The following PLPPR1 variants were observed in gnomAD, a reference collection of about 807,000 sequenced individuals.
PLPPR1 encodes phospholipid phosphatase-related protein type 1.
In PLPPR1, 10 loss-of-function variants were observed where a neutral mutation model predicts 33.1. That is an observed-to-expected ratio of 0.30 (90% confidence interval 0.19 to 0.51). The LOEUF is 0.51. Ranked by LOEUF, PLPPR1 falls within the 20% of genes least tolerant of loss-of-function variation. The probability of loss-of-function intolerance (pLI) is 0.97; values close to 1 mark genes in which losing one functional copy is unlikely to be tolerated. For synonymous variants in PLPPR1, 151 were observed against 151.0 expected (o/e 1.00, Z 0.00); for missense variants, 304 against 408.1 (o/e 0.74, Z 2.20).
chr9:101,053,253 A>G (rs1830245280), intron 1 of PLPPR1, among the ~76,000 whole-genome samples: 1 of 152,112 alleles, frequency 6.6e-6, no homozygotes, highest in Non-Finnish European at 1.5e-5. Flanking sequence ...CTCCTCCTGG[A>G]GGCTTCTTCC....
At chr9:101,038,141 A>C (rs1325977491) in intron 1 of PLPPR1, among the ~76,000 whole-genome samples, 1 of 152,102 alleles carries the variant, frequency 6.6e-6, no homozygotes, top group Admixed American at 6.6e-5. Context: ...ATTTTTATAA[A>C]GGTAGGATTA....
chr9:101,268,279 T>TG (rs1254377124), intron 2 of PLPPR1, among the ~76,000 whole-genome samples: 1 of 147,992 alleles, frequency 6.8e-6, no homozygotes, highest in Non-Finnish European at 1.5e-5. Flanking sequence ...ATCTTTGATG[T>TG]GAAAAAAAAA....
At chr9:101,107,996 C>A (rs1199097307) in intron 1 of PLPPR1, among the ~76,000 whole-genome samples, 1 of 149,628 alleles carries the variant, frequency 6.7e-6, no homozygotes, top group African/African-American at 2.5e-5. Flanking sequence ...AATGCCTCGC[C>A]CTGCTTCGGC....
At chr9:101,235,940 A>T (rs1827290760) in intron 2 of PLPPR1, among the ~76,000 whole-genome samples, 1 of 151,824 alleles carries the variant, frequency 6.6e-6, no homozygotes, top group African/African-American at 2.4e-5. Flanking sequence ...AGAGCTTTAT[A>T]CCTGACAAAA....
Position 101,064,480 on chromosome 9 carries a change from A to T in PLPPR1, c.-46+35378A>T, listed in dbSNP as rs542411858. On this transcript the variant is annotated intron_variant, in intron 1 of 7. Transcript: ENST00000374874. The stretch of plus-strand genomic sequence containing the variant: ...ACAGTGGTGCCAGAGCAAACACAGA[A>T]GCTGCAGGTTTCCAAAGATCAAGTA... Among the ~76,000 whole-genome samples, 4 of 152,226 alleles carry T rather than the reference A, an allele frequency of 2.6e-5. No individual in the cohort carries two copies. In the South Asian group the frequency reaches 8.3e-4, roughly 32 times the overall value.
intron 2 of PLPPR1, among the ~76,000 whole-genome samples, chr9:101,193,126 AAGAAG>A (rs1470798909): frequency 6.6e-6 from 1 of 152,166 alleles, no homozygotes; most frequent in African/African-American, 2.4e-5. Context: ...AATTGTCACA[AAGAAG>A]AGAAGAGAAT....
intron 1 of PLPPR1, among the ~76,000 whole-genome samples, chr9:101,177,776 G>T (rs1209607628): frequency 6.6e-6 from 1 of 151,744 alleles, no homozygotes; most frequent in Non-Finnish European, 1.5e-5. Flanking sequence ...TTTCTATTAG[G>T]TTGTATAATT....
intron 2 of PLPPR1, among the ~76,000 whole-genome samples, chr9:101,236,325 T>A (rs944384905): frequency 2.6e-5 from 4 of 151,816 alleles, no homozygotes; most frequent in African/African-American, 9.7e-5. Flanking sequence ...TAACTTTTGC[T>A]GTAACAAATC....
chr9:101,152,964 C>T (rs12342375), intron 1 of PLPPR1, among the ~76,000 whole-genome samples: 25,949 of 152,184 alleles, frequency 0.17, 2,406 homozygotes, highest in Non-Finnish European at 0.22. Context: ...ATGGGGATGG[C>T]ATTGAATCTA....
At chr9:101,032,190 G>A (rs1014600606) in intron 1 of PLPPR1, among the ~76,000 whole-genome samples, 14 of 152,122 alleles carry the variant, frequency 9.2e-5, no homozygotes, top group African/African-American at 2.9e-4. Context: ...AAGTGTGAAT[G>A]GAACTATCCA....
At position 101,064,944 on chromosome 9, in the gene PLPPR1, A is replaced by G. The variant is rs138025677; in HGVS notation, c.-46+35842A>G. On this transcript the variant is annotated intron_variant, in intron 1 of 7. Transcript: ENST00000374874. ...GATTAATCAATGAATGGACTAATCC[A>G]TGAGGGCTCTGCCTTTGAGACCAAA... 1.5e-4 allele frequency among the ~76,000 whole-genome samples: 23 copies of G among 152,150 alleles called. No individual in the cohort carries two copies. The East Asian group carries it at 4.5e-3, about 30-fold the overall frequency.
At chr9:101,208,130 A>G (rs1010069049) in intron 2 of PLPPR1, among the ~76,000 whole-genome samples, 3 of 152,148 alleles carry the variant, frequency 2.0e-5, no homozygotes, top group Admixed American at 6.5e-5. Flanking sequence ...GTTACCTTAT[A>G]TTCTCCCAAT....
chr9:101,044,934 A>G (rs1019044033), intron 1 of PLPPR1, among the ~76,000 whole-genome samples: 1 of 152,174 alleles, frequency 6.6e-6, no homozygotes. Context: ...TAATTTGAGG[A>G]CTATCTGAGA....
At chr9:101,314,500 T>C (rs1389605237) in intron 6 of PLPPR1, among the ~76,000 whole-genome samples, 2 of 152,038 alleles carry the variant, frequency 1.3e-5, no homozygotes, top group African/African-American at 4.8e-5. Context: ...ACAGTGAATA[T>C]CACAGTAAAG....
chr9:101,084,698 A>G (rs541991222), intron 1 of PLPPR1, among the ~76,000 whole-genome samples: 1 of 152,322 alleles, frequency 6.6e-6, no homozygotes. Context: ...TCTTTGGGAC[A>G]TGGTATGTAG....
intron 1 of PLPPR1, among the ~76,000 whole-genome samples, chr9:101,122,524 C>T (rs1831191135): frequency 6.6e-6 from 1 of 152,090 alleles, no homozygotes; most frequent in Non-Finnish European, 1.5e-5. Flanking sequence ...AAAATCTCTG[C>T]AAGCTTTAAG....
intron 4 of PLPPR1, among the ~76,000 whole-genome samples, chr9:101,304,538 G>GGTTT (rs1828811650): frequency 6.6e-6 from 1 of 152,182 alleles, no homozygotes; most frequent in Middle Eastern, 3.2e-3. Context: ...AGTTCCTACT[G>GGTTT]AAACAAGAAA....
At chr9:101,263,827 G>A (rs980653319) in intron 2 of PLPPR1, among the ~76,000 whole-genome samples, 4 of 152,138 alleles carry the variant, frequency 2.6e-5, no homozygotes, top group South Asian at 2.1e-4. Context: ...GTTAATTTAC[G>A]TAAGGTGTTT....
chr9:101,059,617 A>G lies in PLPPR1; in HGVS notation c.-46+30515A>G, dbSNP rs78265934. Reference sequence around the variant, plus strand: ...ATATAAGGAACTCAAGCAACTCAATAGCAAAACCACAAATAATCAAATTAA... The same window carrying G: ...ATATAAGGAACTCAAGCAACTCAATGGCAAAACCACAAATAATCAAATTAA... On this transcript the variant is annotated intron_variant, in intron 1 of 7. Transcript: ENST00000374874. Among the ~76,000 whole-genome samples, 298 of 152,248 alleles carry G rather than the reference A, an allele frequency of 2.0e-3. 1 individual carries two copies. The highest frequency in any genetic ancestry group is 7.0e-3 in the African/African-American group (291 of 41,574).
Sources: gnomAD v4.1 joint callset for allele counts (sites outside exome capture counted in the v4.1 genomes callset) on GRCh38, gnomAD v4.1.1 for gene constraint, MANE v1.5 for transcripts, NCBI Gene and HGNC (gene_info 2026-07-23, HGNC 2026-07-21) for gene names.